The following FARS2 variants were observed in gnomAD, a reference collection of about 807,000 sequenced individuals.
FARS2 encodes the protein phenylalanine--tRNA ligase, mitochondrial.
FARS2 carries 40 observed loss-of-function variants against 46.4 expected under a neutral mutation model. The observed-to-expected ratio is 0.86, with a 90% CI of 0.67 to 1.12. The LOEUF is 1.12. Among genes scored for constraint, FARS2 ranks in the 50% most tolerant of loss-of-function variants. The pLI, the probability that FARS2 is intolerant of heterozygous loss-of-function variation, is 0.00. For synonymous variants in FARS2, 234 were observed against 214.9 expected (o/e 1.09, Z -0.78); for missense variants, 513 against 567.9 (o/e 0.90, Z 0.98).
upstream of FARS2, chr6:5,261,453 C>G (rs1765116776): frequency 6.5e-6 from 1 of 152,834 alleles, no homozygotes; most frequent in East Asian, 1.9e-4. Flanking sequence ...AGGTGATGAG[C>G]TAGGGGTTCT....
chr6:5,617,517 C>T (rs1177607326), intron 6 of FARS2, among the ~76,000 whole-genome samples: 2 of 152,340 alleles, frequency 1.3e-5, no homozygotes, highest in East Asian at 3.9e-4. Context: ...GTTGTAATAA[C>T]AAAAACCTGG....
At chr6:5,766,499 C>T (rs1456519416) in intron 6 of FARS2, among the ~76,000 whole-genome samples, 2 of 152,268 alleles carry the variant, frequency 1.3e-5, no homozygotes, top group Non-Finnish European at 2.9e-5. Flanking sequence ...CAGAGAGGAG[C>T]ATGGGCTCAT....
At chr6:5,595,583 CT>C (rs1774152571) in intron 5 of FARS2, among the ~76,000 whole-genome samples, 1 of 152,180 alleles carries the variant, frequency 6.6e-6, no homozygotes, top group South Asian at 2.1e-4. Flanking sequence ...ATCCCTGCCC[CT>C]AACACTTGCC....
upstream of FARS2, among the ~76,000 whole-genome samples, chr6:5,256,126 G>A (rs1399416000): frequency 3.9e-5 from 6 of 151,908 alleles, no homozygotes; most frequent in African/African-American, 1.2e-4. Flanking sequence ...TAGTGGCTAC[G>A]GATGCTATTC....
intron 6 of FARS2, among the ~76,000 whole-genome samples, chr6:5,619,405 C>A (rs552888280): frequency 2.8e-4 from 42 of 152,220 alleles, no homozygotes; most frequent in African/African-American, 9.6e-4. Context: ...CATAGACTCA[C>A]TCCTTGTTCC....
rs191744881 is a variant in FARS2 at position 5,723,438 on chromosome 6, G to T, written c.1218-47853G>T. Among the ~76,000 whole-genome samples the T allele has an allele frequency of 3.4e-4, 52 of 152,282 alleles. 1 individual carries two copies. The highest frequency in any genetic ancestry group is 3.3e-3 in the Admixed American group (50 of 15,300). On this transcript the variant is annotated intron_variant, in intron 6 of 6. Transcript: ENST00000274680. Reference sequence around the variant, plus strand: ...TTGGACACGCTGCAGACCCTTCCAGGCCTCAGTGTCTTCATCTTCTTCATC... The same window carrying T: ...TTGGACACGCTGCAGACCCTTCCAGTCCTCAGTGTCTTCATCTTCTTCATC...
At chr6:5,700,433 G>GTCTT (rs965849607) in intron 6 of FARS2, among the ~76,000 whole-genome samples, 1 of 151,024 alleles carries the variant, frequency 6.6e-6, no homozygotes, top group African/African-American at 2.4e-5. Flanking sequence ...TTGAGATGAA[G>GTCTT]TCTTGCGCTG....
At chr6:5,557,574 A>G (rs758111722) in intron 5 of FARS2, among the ~76,000 whole-genome samples, 2 of 152,154 alleles carry the variant, frequency 1.3e-5, no homozygotes, top group Non-Finnish European at 2.9e-5. Context: ...GCATTATTTC[A>G]CAACGAACAA....
chr6:5,545,034 C>G, intron 4 of FARS2, 146 bp from the exon 5 acceptor site: 1 of 707,530 alleles, frequency 1.4e-6, no homozygotes. Context: ...ATTGGGCACC[C>G]TCATGGATGT....
intron 6 of FARS2, among the ~76,000 whole-genome samples, chr6:5,756,356 C>T (rs531756484): frequency 1.3e-5 from 2 of 152,156 alleles, no homozygotes; most frequent in Middle Eastern, 3.2e-3. Flanking sequence ...AAGAACAACC[C>T]GAGACTGGGT....
At chr6:5,573,334 C>T (rs1023885766) in intron 5 of FARS2, among the ~76,000 whole-genome samples, 1 of 152,190 alleles carries the variant, frequency 6.6e-6, no homozygotes, top group Non-Finnish European at 1.5e-5. Flanking sequence ...GAGTGCTTAC[C>T]ATGGGCCAAG....
chr6:5,507,355 C>T (rs17140655), intron 4 of FARS2, among the ~76,000 whole-genome samples: 2,840 of 149,702 alleles, frequency 0.019, 59 homozygotes, highest in African/African-American at 0.06. Flanking sequence ...CTTCTACATA[C>T]GTTTTACTTG....
chr6:5,709,953 T>C (rs187435609), intron 6 of FARS2, among the ~76,000 whole-genome samples: 1 of 152,210 alleles, frequency 6.6e-6, no homozygotes, highest in Non-Finnish European at 1.5e-5. Context: ...AACTAATCGT[T>C]CTCCTGGGCT....
intron 1 of FARS2, among the ~76,000 whole-genome samples, chr6:5,340,107 T>C (rs557299571): frequency 1.3e-5 from 2 of 152,320 alleles, no homozygotes; most frequent in Admixed American, 1.3e-4. Context: ...TCTTATTAGG[T>C]GCCTTTCACA....
intron 6 of FARS2, among the ~76,000 whole-genome samples, chr6:5,694,023 C>T (rs1285284345): frequency 6.6e-6 from 1 of 152,168 alleles, no homozygotes; most frequent in Non-Finnish European, 1.5e-5. Flanking sequence ...CTGCGCCTCT[C>T]AAAGGGAGGA....
chr6:5,646,022 G>A (rs11759788), intron 6 of FARS2, among the ~76,000 whole-genome samples: 3,636 of 152,266 alleles, frequency 0.024, 61 homozygotes, highest in Middle Eastern at 0.044. Flanking sequence ...GACTGAAGGG[G>A]CATTTTTCTG....
intron 2 of FARS2, among the ~76,000 whole-genome samples, chr6:5,404,128 C>T (rs1761417423): frequency 6.6e-6 from 1 of 152,180 alleles, no homozygotes; most frequent in Non-Finnish European, 1.5e-5. Context: ...TAGCAAATTC[C>T]AGCTTGCTTC....
chr6:5,402,735 C>T (rs1002167425), intron 2 of FARS2, among the ~76,000 whole-genome samples: 1 of 152,060 alleles, frequency 6.6e-6, no homozygotes, highest in Non-Finnish European at 1.5e-5. Flanking sequence ...GTATTAACTC[C>T]TTTTTCTTTT....
intron 6 of FARS2, among the ~76,000 whole-genome samples, chr6:5,725,804 G>A (rs139377561): frequency 1.7e-4 from 26 of 152,162 alleles, no homozygotes; most frequent in African/African-American, 3.9e-4. Flanking sequence ...GGCGTGGCGC[G>A]CACACCTGTA....
Sources: gnomAD v4.1 joint callset for allele counts (sites outside exome capture counted in the v4.1 genomes callset) on GRCh38, gnomAD v4.1.1 for gene constraint, MANE v1.5 for transcripts, NCBI Gene and HGNC (gene_info 2026-07-23, HGNC 2026-07-21) for gene names.